SLFNL1: variants seen among roughly 807,000 people sequenced by gnomAD.
SLFNL1 encodes schlafen-like protein 1.
Under a neutral mutation model 32.5 loss-of-function variants are expected in SLFNL1, and 26 were observed. The ratio of observed to expected loss-of-function variants is 0.80; its 90% CI spans 0.59 to 1.11. SLFNL1 has a LOEUF of 1.11. Among genes scored for constraint, SLFNL1 ranks in the 50% least tolerant of loss-of-function variants. The pLI is 0.00. For missense variants in SLFNL1, 553 were observed against 546.5 expected, an observed-to-expected ratio of 1.01 and a Z score of -0.12; for synonymous variants, 255 against 242.2, an observed-to-expected ratio of 1.05 and a Z score of -0.49.
chr1:41,018,108 G>A lies in SLFNL1; in HGVS notation c.484C>T (p.Pro162Ser). The A allele has an allele frequency of 6.5e-7, 1 of 1,541,614 alleles. No homozygotes were observed. The highest frequency in any genetic ancestry group is 8.8e-7 in the Non-Finnish European group (1 of 1,137,900). ...GTGGGCAGCGGGACACCAGAGCCTG[G>A]ACTGGGGCCAGGGCTCAGGCCACTG... ...EDSGLSPGPS[P>S]GSGVPLPTWP... Residue 162 changes from proline to serine, a missense_variant, in exon 4 of 6, where the codon CCA becomes TCA. By Grantham distance (74) the Pro-to-Ser change is moderately conservative. Transcript: ENST00000302946.
rs942753678 is a variant in SLFNL1 at position 41,017,687 on chromosome 1, G to A, written c.905C>T (p.Thr302Ile). 6 of 1,572,234 alleles carry A rather than the reference G, an allele frequency of 3.8e-6. No individual in the cohort carries two copies. The highest frequency in any genetic ancestry group is 5.2e-6 in the Non-Finnish European group (6 of 1,155,382). Residue 302 changes from threonine (T) to isoleucine (I), a missense_variant, in exon 4 of 6, where the codon ACT (threonine) becomes ATT (isoleucine). Coordinates refer to ENST00000302946, the MANE Select transcript of SLFNL1 (RefSeq NM_144990.4). The surrounding 1 kb of genome is among the most constrained non-coding windows in gnomAD (Gnocchi z 4.9). Reference sequence around the variant, plus strand: ...ACTGATCACAGGGATGAAGGTGAGAGTGTAGGCATCGGGAAAGATCTGAGG... The same window carrying A: ...ACTGATCACAGGGATGAAGGTGAGAATGTAGGCATCGGGAAAGATCTGAGG... ...FKPQIFPDAYTLTFIPVISTS... is the reference protein window; with the variant it reads ...FKPQIFPDAYILTFIPVISTS...
rs1486386662 is a variant in SLFNL1, at chr1:41,017,665, G to C, written c.927C>G (p.Ile309Met). 6.4e-7 allele frequency: 1 copy of C among 1,551,056 alleles called. No individual in the cohort carries two copies. Among genetic ancestry groups the C allele is most frequent in the African/African-American group, 1.4e-5 (1 of 73,404 alleles). Residue 309 changes from isoleucine (I) to methionine (M), a missense_variant, in exon 4 of 6, where the codon ATC becomes ATG. By Grantham distance (10) the Ile-to-Met change is conservative (BLOSUM62 1). Coordinates refer to ENST00000302946, the MANE Select transcript of SLFNL1 (RefSeq NM_144990.4). The surrounding 1 kb of genome is among the most constrained non-coding windows in gnomAD (Gnocchi z 4.9). Reference protein sequence around the residue: ...DAYTLTFIPVISTSETSVPLK... With the variant: ...DAYTLTFIPVMSTSETSVPLK... ...GGGGGACGCTGGTCTCCGAGGTACTGATCACAGGGATGAAGGTGAGAGTGT... is the reference window on the plus strand; with the variant it reads ...GGGGGACGCTGGTCTCCGAGGTACTCATCACAGGGATGAAGGTGAGAGTGT...
chr1:41,020,137 C>T (rs1248076067), intron 3 of SLFNL1, 89 bp downstream of exon 3: 8 of 1,349,158 alleles, frequency 5.9e-6, no homozygotes, highest in Non-Finnish European at 6.1e-6. Flanking sequence ...CAGAGACACC[C>T]CTCCATCCCC....
In SLFNL1 at chr1:41,017,244, C is replaced by T. The variant is rs1362442486; in HGVS notation, c.1091G>A (p.Trp364Ter). Residue 364 changes from tryptophan to a stop codon, truncating the protein, a stop_gained, in exon 5 of 6, where the codon TGG becomes TAG. Coordinates refer to ENST00000302946, the MANE Select transcript of SLFNL1 (RefSeq NM_144990.4). LOFTEE classifies it high-confidence loss of function. The surrounding 1 kb of genome is among the most constrained non-coding windows in gnomAD (Gnocchi z 4.9). The part of the protein sequence containing the change: ...GPLSASAIQE[W>*]CRQRWLVELG... ...CCTCAGCTTCCGTACCTGCCTGCAC[C>T]ACTCCTGGATGGCGCTGGCAGACAG... is the stretch of plus-strand genomic sequence containing the variant. 3 of 1,580,688 alleles carry T rather than the reference C, an allele frequency of 1.9e-6. No individual in the cohort carries two copies. Among genetic ancestry groups the T allele is most frequent in the Non-Finnish European group, 1.7e-6 (2 of 1,165,554 alleles).
chr1:41,018,428 A>G (rs1004290777), intron 3 of SLFNL1: 19 of 404,206 alleles, frequency 4.7e-5, no homozygotes, highest in African/African-American at 2.8e-4. Context: ...CTGGTGGGGA[A>G]GAAGAGATTT....
Position 41,017,982 on chromosome 1 carries a change from G to A in SLFNL1, c.610C>T (p.Gln204Ter). Residue 204 changes from glutamine to a stop codon, truncating the protein, a stop_gained, in exon 4 of 6, where the codon CAG (glutamine) becomes TAG (stop). Transcript: ENST00000302946. LOFTEE classifies it high-confidence loss of function. The surrounding 1 kb of genome is among the most constrained non-coding windows in gnomAD (Gnocchi z 4.9). ...AGCTGGTCCTTGCCCACGATCTGCT[G>A]GTGCACAATGGCACTGTCGGAGCAC... Reference protein sequence around the residue: ...GVCSDSAIVHQQIVGKDQLFQ... With the variant: ...GVCSDSAIVH 1 of 1,610,014 alleles carries A rather than the reference G, an allele frequency of 6.2e-7. No individual in the cohort carries two copies. The highest frequency in any genetic ancestry group is 8.5e-7 in the Non-Finnish European group (1 of 1,178,772).
At chr1:41,018,227 G>T in intron 3 of SLFNL1, 71 bp from the exon 4 acceptor site, 1 of 1,397,510 alleles carries the variant, frequency 7.2e-7, no homozygotes, top group Non-Finnish European at 9.4e-7. Flanking sequence ...GAGAAGGACT[G>T]CAAGAACCCC....
At position 41,017,257 on chromosome 1, in the gene SLFNL1, C is replaced by G; in HGVS notation, c.1078G>C (p.Ala360Pro). Residue 360 changes from alanine to proline, a missense_variant, in exon 5 of 6, where the codon GCC becomes CCC. By Grantham distance (27) the Ala-to-Pro change is conservative. Transcript: ENST00000302946. The surrounding 1 kb of genome is among the most constrained non-coding windows in gnomAD (Gnocchi z 4.9). ...GSIQGPLSAS[A>P]IQEWCRQRWL... The stretch of plus-strand genomic sequence containing the variant: ...ACCTGCCTGCACCACTCCTGGATGG[C>G]GCTGGCAGACAGCGGGCCCTGGATG... 6.3e-7 allele frequency: 1 copy of G among 1,593,084 alleles called. No individual in the cohort carries two copies. Among genetic ancestry groups the G allele is most frequent in the South Asian group, 1.1e-5 (1 of 88,450 alleles).
In SLFNL1 at chr1:41,017,579, CTTACTGAGTGA is replaced by C. The variant is rs1344936071; in HGVS notation, c.957+45_957+55del. On this transcript the variant is annotated intron_variant, in intron 4 of 5. Transcript: ENST00000302946. The surrounding 1 kb of genome is among the most constrained non-coding windows in gnomAD (Gnocchi z 4.9). ...GCCTGGCAGGAGTGCAGGCCATCGT[CTTACTGAGTGA>C]TGACAGATGACAGGCCCAGAGGCCC... 5.2e-5 allele frequency: 78 copies of C among 1,508,466 alleles called. No homozygotes were observed. In the South Asian group the frequency reaches 1.0e-3, roughly 20 times the overall value. The allele number at this position is 1,508,466 out of a possible 1,614,324, so 93.4% of individuals were successfully genotyped here.
chr1:41,017,022 T>G lies in SLFNL1; in HGVS notation c.1101+212A>C. 1.9e-6 allele frequency: 1 copy of G among 538,222 alleles called. No individual in the cohort carries two copies. Among genetic ancestry groups the G allele is most frequent in the Non-Finnish European group, 3.1e-6 (1 of 320,978 alleles). The allele number at this position is 538,222 out of a possible 1,614,324, so 33.3% of individuals were successfully genotyped here. On this transcript the variant is annotated intron_variant, in intron 5 of 5. Transcript: ENST00000302946. The surrounding 1 kb of genome is among the most constrained non-coding windows in gnomAD (Gnocchi z 4.9). ...TGCGCCTGGCCACTGCATAGATTTT[T>G]AAAAGGAGAGAGCTTGGGCCTCTTC... is the stretch of plus-strand genomic sequence containing the variant.
intron 5 of SLFNL1, 191 bp from the exon 6 acceptor site, chr1:41,016,419 G>A (rs1232890279): frequency 2.5e-6 from 2 of 811,742 alleles, no homozygotes; most frequent in Non-Finnish European, 3.8e-6. Context: ...GCTGCCGGCT[G>A]CCAGCCATGG....
At chr1:41,019,377 A>C (rs1293887922) in intron 3 of SLFNL1, among the ~76,000 whole-genome samples, 1 of 152,182 alleles carries the variant, frequency 6.6e-6, no homozygotes, top group Non-Finnish European at 1.5e-5. Flanking sequence ...AAAAGAAACC[A>C]AAATCACCTG....
chr1:41,020,200 G>A (rs767286833), intron 3 of SLFNL1, 26 bp downstream of exon 3: 3 of 1,557,018 alleles, frequency 1.9e-6, no homozygotes, highest in Non-Finnish European at 1.7e-6. Context: ...AGGCTTTGGA[G>A]CTTGCTTGGG....
In SLFNL1 at chr1:41,017,497, G is replaced by C; in HGVS notation, c.958-120C>G. Reference sequence around the variant, plus strand: ...AGGGCAGGCCAGCAGGGCTGGCACAGGGGCCATCCCCAGCCTCTTCTCCTG... The same window carrying C: ...AGGGCAGGCCAGCAGGGCTGGCACACGGGCCATCCCCAGCCTCTTCTCCTG... On this transcript the variant is annotated intron_variant, in intron 4 of 5. Coordinates refer to ENST00000302946, the MANE Select transcript of SLFNL1 (RefSeq NM_144990.4). This position sits in a 1 kb window ranked among gnomAD's most constrained non-coding sequence, Gnocchi z 4.9. The C allele has an allele frequency of 6.7e-7, 1 of 1,496,304 alleles. No homozygotes were observed. Among genetic ancestry groups the C allele is most frequent in the Non-Finnish European group, 8.9e-7 (1 of 1,121,440 alleles). 92.7% of individuals were successfully genotyped at this position (1,496,304 alleles called of 1,614,324 possible).
chr1:41,019,198 G>A (rs962410341), intron 3 of SLFNL1, among the ~76,000 whole-genome samples: 3 of 152,092 alleles, frequency 2.0e-5, no homozygotes, highest in Non-Finnish European at 4.4e-5. Flanking sequence ...GCGTGGGTTG[G>A]GGTGAGGAGA....
At chr1:41,016,327 G>A in intron 5 of SLFNL1, 99 bp from the exon 6 acceptor site, 1 of 1,521,110 alleles carries the variant, frequency 6.6e-7, no homozygotes, top group African/African-American at 1.4e-5. Flanking sequence ...GCAAAGCCCA[G>A]GAGCCTGAGA....
chr1:41,017,006 C>T lies in SLFNL1; in HGVS notation c.1101+228G>A. ...TACAGGCGTGAGCCACTGCGCCTGG[C>T]CACTGCATAGATTTTTAAAAGGAGA... On this transcript the variant is annotated intron_variant, in intron 5 of 5. Coordinates refer to ENST00000302946, the MANE Select transcript of SLFNL1 (RefSeq NM_144990.4). This position sits in a 1 kb window ranked among gnomAD's most constrained non-coding sequence, Gnocchi z 4.9. The T allele has an allele frequency of 2.1e-6, 1 of 482,544 alleles. No individual in the cohort carries two copies. The highest frequency in any genetic ancestry group is 3.9e-5 in the South Asian group (1 of 25,930). The allele number at this position is 482,544 out of a possible 1,614,324, so 29.9% of individuals were successfully genotyped here. A position where few individuals can be genotyped will look rare whatever the true frequency, so the allele number is the denominator to read the frequency against.
chr1:41,019,200 G>T (rs1643629992), intron 3 of SLFNL1, among the ~76,000 whole-genome samples: 1 of 152,110 alleles, frequency 6.6e-6, no homozygotes, highest in South Asian at 2.1e-4. Context: ...GTGGGTTGGG[G>T]TGAGGAGACT....
At position 41,018,176 on chromosome 1, in the gene SLFNL1, T is replaced by C. The variant is rs1643510700; in HGVS notation, c.436-20A>G. On this transcript the variant is annotated intron_variant, in intron 3 of 5. Coordinates refer to ENST00000302946, the MANE Select transcript of SLFNL1 (RefSeq NM_144990.4). ...CTTCTCCTAGGGTGGTAGTCAAGAA[T>C]GAATGTATGGGTCCAGCCAGGAAAT... 6.9e-7 allele frequency: 1 copy of C among 1,452,238 alleles called. No homozygotes were observed. Among genetic ancestry groups the C allele is most frequent in the Non-Finnish European group, 9.1e-7 (1 of 1,100,502 alleles). 90.0% of individuals were successfully genotyped at this position (1,452,238 alleles called of 1,614,324 possible).
Sources: gnomAD v4.1 joint callset for allele counts (sites outside exome capture counted in the v4.1 genomes callset) on GRCh38, gnomAD v4.1.1 for gene constraint, Gnocchi (gnomAD v3.1) non-coding constraint, MANE v1.5 for transcripts, NCBI Gene and HGNC (gene_info 2026-07-23, HGNC 2026-07-21) for gene names.